Variants in PCDHGB5 observed in about 807,000 individuals in gnomAD.
PCDHGB5 encodes the protein protocadherin gamma-B5.
In PCDHGB5, 48 loss-of-function variants were observed where a neutral mutation model predicts 62.9. The observed-to-expected ratio is 0.76, with a 90% confidence interval of 0.61 to 0.97. The LOEUF (loss-of-function observed/expected upper bound fraction) is 0.97. Among genes scored for constraint, PCDHGB5 ranks in the 50% least tolerant of loss-of-function variants. PCDHGB5 has a pLI of 0.00. For synonymous variants in PCDHGB5, 474 were observed against 511.2 expected (o/e 0.93, Z 0.98); for missense variants, 1,118 against 1,198.6 (o/e 0.93, Z 0.99).
chr5:141,432,343 G>C lies in PCDHGB5; in HGVS notation c.2397+31819G>C, dbSNP rs1174646711. 3 of 1,614,130 alleles carry C rather than the reference G, an allele frequency of 1.9e-6. No homozygotes were observed. On this transcript the variant is annotated intron_variant, in intron 1 of 3. Coordinates refer to ENST00000617380, the MANE Select transcript of PCDHGB5 (RefSeq NM_018925.3). This position sits in a 1 kb window ranked among gnomAD's most constrained non-coding sequence, Gnocchi z 6.0. ...TCGACTACGAGCAGTTCCGAGACTTGCAAGTGAAAGTGATGGCGCGGGACA... is the reference window on the plus strand; with the variant it reads ...TCGACTACGAGCAGTTCCGAGACTTCCAAGTGAAAGTGATGGCGCGGGACA...
chr5:141,460,126 T>TC (rs2098982804), intron 1 of PCDHGB5, among the ~76,000 whole-genome samples: 1 of 151,986 alleles, frequency 6.6e-6, no homozygotes, highest in South Asian at 2.1e-4. Context: ...ATATATGTAA[T>TC]ATATATATTC....
In PCDHGB5 at chr5:141,404,612, G is replaced by A. The variant is rs774633321; in HGVS notation, c.2397+4088G>A. 2 of 1,614,110 alleles carry A rather than the reference G, an allele frequency of 1.2e-6. No homozygotes were observed. The highest frequency in any genetic ancestry group is 3.3e-5 in the Admixed American group (2 of 60,022). ...TGTGTCATTGAGACTGTTTGTTTTG[G>A]ACCAGAATGACAATGCCCCAGAAAT... On this transcript the variant is annotated intron_variant, in intron 1 of 3. Transcript: ENST00000617380.
rs561499055 is a variant in PCDHGB5 at position 141,423,745 on chromosome 5, C to G, written c.2397+23221C>G. 10 of 605,688 alleles carry G rather than the reference C, an allele frequency of 1.7e-5. No individual in the cohort carries two copies. The East Asian group carries it at 3.1e-4, about 19-fold the overall frequency. The allele number at this position is 605,688 out of a possible 1,614,324, so 37.5% of individuals were successfully genotyped here. A position where few individuals can be genotyped will look rare whatever the true frequency, so the allele number is the denominator to read the frequency against. The stretch of plus-strand genomic sequence containing the variant: ...ATGTTTTTTGAGCCTGTTATGAAAA[C>G]TGTTTGGGGGGGGGGTGGGGCGGCA... On this transcript the variant is annotated intron_variant, in intron 1 of 3. Coordinates refer to ENST00000617380, the MANE Select transcript of PCDHGB5 (RefSeq NM_018925.3).
chr5:141,467,681 A>G (rs2099148744), intron 1 of PCDHGB5, among the ~76,000 whole-genome samples: 1 of 152,076 alleles, frequency 6.6e-6, no homozygotes, highest in African/African-American at 2.4e-5. Flanking sequence ...TATTTTTTTT[A>G]GACAGGGTCT....
At chr5:141,409,352 T>G in intron 1 of PCDHGB5, 1 of 1,613,980 alleles carries the variant, frequency 6.2e-7, no homozygotes, top group Non-Finnish European at 8.5e-7. Flanking sequence ...AGAAGTCAGG[T>G]GTAATATAGA....
At chr5:141,473,919 A>G (rs2099331297) in intron 1 of PCDHGB5, among the ~76,000 whole-genome samples, 1 of 152,172 alleles carries the variant, frequency 6.6e-6, no homozygotes, top group African/African-American at 2.4e-5. Flanking sequence ...TAAGAAAACT[A>G]TGAGCTGGGT....
chr5:141,455,860 A>ATTATTTATTTAT (rs145569377), intron 1 of PCDHGB5, among the ~76,000 whole-genome samples: 9 of 139,836 alleles, frequency 6.4e-5, no homozygotes, highest in African/African-American at 7.9e-5. Context: ...AATTTCTTTT[A>ATTATTTATTTAT]TTATTTATTT....
Position 141,399,783 on chromosome 5 carries a change from C to T in PCDHGB5, c.1656C>T (p.Asn552=). 6.2e-7 allele frequency: 1 copy of T among 1,613,300 alleles called. No homozygotes were observed. Among genetic ancestry groups the T allele is most frequent in the Non-Finnish European group, 8.5e-7 (1 of 1,179,776 alleles). The change falls in exon 1 of 4, where the codon AAC becomes AAT. Residue 552 remains asparagine, a synonymous_variant. Transcript: ENST00000617380. ...VSLRVLVGDR[N]DNAPRVLYPA... ...TGCGCGTGTTGGTGGGCGACCGAAA[C>T]GACAACGCACCGCGGGTGCTGTACC...
intron 1 of PCDHGB5, among the ~76,000 whole-genome samples, chr5:141,452,137 G>A (rs2154563838): frequency 6.6e-6 from 1 of 152,162 alleles, no homozygotes; most frequent in East Asian, 1.9e-4. Flanking sequence ...TGGCTCATGT[G>A]TTTTTTCCAA....
At chr5:141,503,396 A>G (rs1025780031) in intron 2 of PCDHGB5, among the ~76,000 whole-genome samples, 2 of 151,944 alleles carry the variant, frequency 1.3e-5, no homozygotes, top group African/African-American at 2.4e-5. Flanking sequence ...GGAGTTCGAA[A>G]CCAACCTGGC....
Position 141,410,699 on chromosome 5 carries a change from A to C in PCDHGB5, c.2397+10175A>C, listed in dbSNP as rs760193148. On this transcript the variant is annotated intron_variant, in intron 1 of 3. Transcript: ENST00000617380. ...ATTTTAGGCATACTACTTTATTTTC[A>C]TATCTAGAATCATATGTTTAAAATC... The C allele has an allele frequency of 2.0e-6, 3 of 1,478,344 alleles. No homozygotes were observed. In the South Asian group the frequency reaches 4.0e-5, roughly 20 times the overall value. The allele number at this position is 1,478,344 out of a possible 1,614,324, so 91.6% of individuals were successfully genotyped here. A position where few individuals can be genotyped will look rare whatever the true frequency, so the allele number is the denominator to read the frequency against.
At chr5:141,436,486 C>A (rs2097826645) in intron 1 of PCDHGB5, among the ~76,000 whole-genome samples, 1 of 152,152 alleles carries the variant, frequency 6.6e-6, no homozygotes. Flanking sequence ...AGAAGGATAG[C>A]AGCTTTGCAA....
intron 3 of PCDHGB5, among the ~76,000 whole-genome samples, chr5:141,506,621 G>A (rs143369587): frequency 1.3e-5 from 2 of 152,178 alleles, no homozygotes; most frequent in African/African-American, 4.8e-5. Flanking sequence ...GTGTTACCAG[G>A]GCCAAATGCA....
In PCDHGB5 at chr5:141,399,540, C is replaced by A. The variant is rs775910113; in HGVS notation, c.1413C>A (p.Cys471Ter). ...CTGGGGCCTCCATCGCGCAAGTCTG[C>A]GCCTCGGACCTGGACTTGGGGTTGA... ...NPPGASIAQV[C>*]ASDLDLGLNG... The change falls in exon 1 of 4, where the codon TGC becomes TGA. Residue 471 changes from cysteine (C) to a stop codon, truncating the protein, a stop_gained. Transcript: ENST00000617380. LOFTEE classifies it high-confidence loss of function. The A allele has an allele frequency of 1.2e-6, 2 of 1,613,934 alleles. No homozygotes were observed. The highest frequency in any genetic ancestry group is 1.7e-6 in the Non-Finnish European group (2 of 1,179,902).
At chr5:141,469,792 A>G (rs989190786) in intron 1 of PCDHGB5, among the ~76,000 whole-genome samples, 1 of 152,194 alleles carries the variant, frequency 6.6e-6, no homozygotes, top group African/African-American at 2.4e-5. Flanking sequence ...GTTATTTGTA[A>G]TTGCAAAAAC....
At position 141,432,370 on chromosome 5, in the gene PCDHGB5, C is replaced by A. The variant is rs1362496624; in HGVS notation, c.2397+31846C>A. On this transcript the variant is annotated intron_variant, in intron 1 of 3. Transcript: ENST00000617380. The surrounding 1 kb of genome is among the most constrained non-coding windows in gnomAD (Gnocchi z 6.0). Reference sequence around the variant, plus strand: ...AAGTGAAAGTGATGGCGCGGGACAACGGGCACCCGCCCCTCAGCAGCAACG... The same window carrying A: ...AAGTGAAAGTGATGGCGCGGGACAAAGGGCACCCGCCCCTCAGCAGCAACG... The A allele has an allele frequency of 6.2e-7, 1 of 1,614,240 alleles. No homozygotes were observed. The highest frequency in any genetic ancestry group is 8.5e-7 in the Non-Finnish European group (1 of 1,180,048).
chr5:141,415,465 A>G (rs751798354), intron 1 of PCDHGB5: 19 of 1,613,976 alleles, frequency 1.2e-5, no homozygotes, highest in Non-Finnish European at 1.5e-5. Context: ...GGTCTCTCTC[A>G]CCGCGGACTC....
intron 1 of PCDHGB5, chr5:141,409,421 G>C (rs1381290106): frequency 6.2e-7 from 1 of 1,614,044 alleles, no homozygotes; most frequent in South Asian, 1.1e-5. Context: ...ACTGGTGACA[G>C]ATGGAGCCCT....
At chr5:141,403,773 A>G (rs1286965459) in intron 1 of PCDHGB5, 5 of 1,613,956 alleles carry the variant, frequency 3.1e-6, no homozygotes, top group Non-Finnish European at 4.2e-6. Flanking sequence ...GAGGGAATCA[A>G]CGGAAAAGTG....
Sources: gnomAD v4.1 joint callset for allele counts (sites outside exome capture counted in the v4.1 genomes callset) on GRCh38, gnomAD v4.1.1 for gene constraint, Gnocchi (gnomAD v3.1) non-coding constraint, MANE v1.5 for transcripts, NCBI Gene and HGNC (gene_info 2026-07-23, HGNC 2026-07-21) for gene names.